KCND2: variants seen among roughly 807,000 people sequenced by gnomAD.
The protein encoded by KCND2 is potassium voltage-gated channel subfamily D member 2.
A neutral mutation model predicts 54.4 loss-of-function variants in KCND2; 16 were observed. That is an observed-to-expected ratio of 0.29 (90% CI 0.20 to 0.45). The LOEUF is 0.45. Among genes scored for constraint, KCND2 ranks in the 20% least tolerant of loss-of-function variants. The pLI, the probability that KCND2 is intolerant of heterozygous loss-of-function variation, is 1.00. For synonymous variants in KCND2, 317 were observed against 310.7 expected (o/e 1.02, Z -0.21); for missense variants, 486 against 824.2 (o/e 0.59, Z 5.02).
chr7:120,351,240 G>GTA (rs1369772016), intron 1 of KCND2, among the ~76,000 whole-genome samples: 9 of 55,420 alleles, frequency 1.6e-4, no homozygotes. Flanking sequence ...ATATTTATAT[G>GTA]TGTGTATATA....
chr7:120,474,747 C>T (rs976437998), intron 1 of KCND2, among the ~76,000 whole-genome samples: 5 of 152,220 alleles, frequency 3.3e-5, no homozygotes, highest in South Asian at 2.1e-4. Context: ...TACCTCAGCA[C>T]GAATGCCCTC....
rs1383699096 is a variant in KCND2, at chr7:120,652,072, C to CT, written c.1116-80822dup. 8.8e-5 allele frequency among the ~76,000 whole-genome samples: 13 copies of CT among 147,192 alleles called. 1 individual carries two copies. The South Asian group carries it at 1.9e-3, about 22-fold the overall frequency. On this transcript the variant is annotated intron_variant, in intron 1 of 5. Transcript: ENST00000331113. ...CCCAGATAGTGCAGTCTATCTCTAT[C>CT]TTTTTTTTTCCTTTTTTTTTTTGAG...
intron 1 of KCND2, among the ~76,000 whole-genome samples, chr7:120,652,372 C>T (rs1281517846): frequency 6.6e-6 from 1 of 152,084 alleles, no homozygotes; most frequent in Non-Finnish European, 1.5e-5. Flanking sequence ...CTGCGCCTGG[C>T]CAGTGCAGTC....
chr7:120,407,620 A>C (rs1801381096), intron 1 of KCND2, among the ~76,000 whole-genome samples: 1 of 151,982 alleles, frequency 6.6e-6, no homozygotes, highest in South Asian at 2.1e-4. Flanking sequence ...GGTTACTATA[A>C]AGTTTATAAT....
chr7:120,342,486 G>A (rs894010333), intron 1 of KCND2, among the ~76,000 whole-genome samples: 3 of 152,086 alleles, frequency 2.0e-5, no homozygotes, highest in African/African-American at 4.8e-5. Context: ...TACACCAACT[G>A]TGTGTTATTT....
At chr7:120,526,798 T>C (rs553010881) in intron 1 of KCND2, among the ~76,000 whole-genome samples, 1 of 152,278 alleles carries the variant, frequency 6.6e-6, no homozygotes, top group East Asian at 1.9e-4. Context: ...GTTCTATTTT[T>C]CAATATAGAG....
intron 1 of KCND2, among the ~76,000 whole-genome samples, chr7:120,427,562 T>C (rs1370485883): frequency 1.3e-5 from 2 of 152,238 alleles, no homozygotes; most frequent in East Asian, 3.8e-4. Context: ...TGGTATCAAG[T>C]ACAATGAATT....
intron 1 of KCND2, among the ~76,000 whole-genome samples, chr7:120,498,523 C>T (rs185858855): frequency 3.8e-4 from 57 of 151,960 alleles, no homozygotes; most frequent in African/African-American, 1.3e-3. Context: ...GCTTGTAATC[C>T]CAACACTTTG....
chr7:120,405,555 C>T (rs968397873), intron 1 of KCND2, among the ~76,000 whole-genome samples: 3 of 152,156 alleles, frequency 2.0e-5, no homozygotes, highest in African/African-American at 7.2e-5. Flanking sequence ...TAACACATTT[C>T]CATGTATATT....
chr7:120,432,923 T>G (rs1403972745), intron 1 of KCND2, among the ~76,000 whole-genome samples: 1 of 152,158 alleles, frequency 6.6e-6, no homozygotes, highest in African/African-American at 2.4e-5. Flanking sequence ...TTCAAAACCC[T>G]TCACGGTTGC....
At chr7:120,304,255 A>C (rs1799621012) in intron 1 of KCND2, among the ~76,000 whole-genome samples, 1 of 152,168 alleles carries the variant, frequency 6.6e-6, no homozygotes, top group African/African-American at 2.4e-5. Context: ...ATACCTAATA[A>C]TGATTCTAAC....
chr7:120,693,775 A>G (rs1361226618), intron 1 of KCND2, among the ~76,000 whole-genome samples: 2 of 152,244 alleles, frequency 1.3e-5, no homozygotes, highest in African/African-American at 4.8e-5. Flanking sequence ...TAGCAGCTAG[A>G]CCATAGTCCT....
intron 1 of KCND2, among the ~76,000 whole-genome samples, chr7:120,650,575 T>A (rs1791717373): frequency 7.0e-6 from 1 of 143,748 alleles, no homozygotes; most frequent in African/African-American, 2.7e-5. Context: ...CTCCTTTAGC[T>A]CGGAGAAGTT....
chr7:120,442,042 T>C (rs1178540145), intron 1 of KCND2, among the ~76,000 whole-genome samples: 1 of 152,124 alleles, frequency 6.6e-6, no homozygotes, highest in Non-Finnish European at 1.5e-5. Flanking sequence ...CATATACTTG[T>C]TTCCTACTGA....
chr7:120,375,847 A>G (rs1041856781), intron 1 of KCND2, among the ~76,000 whole-genome samples: 1 of 151,828 alleles, frequency 6.6e-6, no homozygotes, highest in East Asian at 1.9e-4. Flanking sequence ...TACAAAAGGA[A>G]ACAAGTCGTA....
At chr7:120,356,173 T>C (rs1175518527) in intron 1 of KCND2, among the ~76,000 whole-genome samples, 1 of 152,158 alleles carries the variant, frequency 6.6e-6, no homozygotes, top group African/African-American at 2.4e-5. Flanking sequence ...CCTAATTTTT[T>C]ATGCCAACCC....
rs1341531337 is a variant in KCND2 at position 120,479,786 on chromosome 7, T to TAC, written c.1115+204049_1115+204050dup. ...TCTAAATATATATATATATAAACTATACACACACACAAAAAAAAAAAAAAA... is the reference window on the plus strand; with the variant it reads ...TCTAAATATATATATATATAAACTATACACACACACACAAAAAAAAAAAAAAA... On this transcript the variant is annotated intron_variant, in intron 1 of 5. Transcript: ENST00000331113. Among the ~76,000 whole-genome samples, 337 of 107,136 alleles carry TAC rather than the reference T, an allele frequency of 3.1e-3. 19 individuals are homozygous for TAC. The highest frequency in any genetic ancestry group is 6.8e-3 in the Middle Eastern group (1 of 148). 70.3% of individuals were successfully genotyped at this position (107,136 alleles called of 152,430 possible). A position where few individuals can be genotyped will look rare whatever the true frequency, so the allele number is the denominator to read the frequency against.
At chr7:120,729,857 T>G (rs966956635) in intron 1 of KCND2, among the ~76,000 whole-genome samples, 1 of 151,916 alleles carries the variant, frequency 6.6e-6, no homozygotes, top group African/African-American at 2.4e-5. Context: ...CCTAGCTTTA[T>G]GACACGAAGC....
intron 1 of KCND2, among the ~76,000 whole-genome samples, chr7:120,623,471 C>G (rs1793128627): frequency 6.6e-6 from 1 of 152,134 alleles, no homozygotes; most frequent in Non-Finnish European, 1.5e-5. Flanking sequence ...TTTGTATCCT[C>G]CAAAGCAGAG....
Sources: allele counts gnomAD v4.1 joint callset (sites outside exome capture counted in the v4.1 genomes callset), GRCh38; gene constraint gnomAD v4.1.1; transcripts MANE v1.5; gene names NCBI Gene and HGNC (gene_info 2026-07-23, HGNC 2026-07-21).